The following UMAD1 variants were observed in gnomAD, a reference collection of about 807,000 sequenced individuals.
The protein encoded by UMAD1 is UBAP1-MVB12-associated (UMA) domain containing 1.
UMAD1 carries 8 observed loss-of-function variants against 6.1 expected under a neutral mutation model. The ratio of observed to expected loss-of-function variants is 1.30; its 90% CI spans 0.76 to 2.35. The LOEUF is 2.35. Ranked by LOEUF, UMAD1 falls within the 30% of genes most tolerant of loss-of-function variation. UMAD1 has a pLI of 0.00. For missense variants in UMAD1, 130 were observed against 78.4 expected (o/e 1.66, Z -2.49); for synonymous variants, 56 against 31.4 (o/e 1.78, Z -2.61).
At chr7:7,804,825 C>CA (rs1397050851) in intron 3 of UMAD1, among the ~76,000 whole-genome samples, 3 of 151,826 alleles carry the variant, frequency 2.0e-5, no homozygotes, top group Non-Finnish European at 4.4e-5. Context: ...ACTAAAAATA[C>CA]AAAAAATTAG....
intron 2 of UMAD1, among the ~76,000 whole-genome samples, chr7:7,724,928 C>A (rs1225552246): frequency 6.6e-6 from 1 of 152,176 alleles, no homozygotes; most frequent in East Asian, 1.9e-4. Flanking sequence ...CTTTTCACTT[C>A]CACGAGATAC....
chr7:7,831,604 GT>G (rs1783468538), intron 3 of UMAD1, among the ~76,000 whole-genome samples: 1 of 152,066 alleles, frequency 6.6e-6, no homozygotes, highest in African/African-American at 2.4e-5. Context: ...AACCTCCCTG[GT>G]GACTTGAGTC....
chr7:7,815,526 G>C (rs934694850), intron 3 of UMAD1, among the ~76,000 whole-genome samples: 1 of 152,162 alleles, frequency 6.6e-6, no homozygotes, highest in Non-Finnish European at 1.5e-5. Flanking sequence ...GGTAGTTAAA[G>C]TATTGATTCA....
intron 3 of UMAD1, among the ~76,000 whole-genome samples, chr7:7,851,551 C>G (rs561920911): frequency 6.6e-6 from 1 of 152,152 alleles, no homozygotes; most frequent in Non-Finnish European, 1.5e-5. Flanking sequence ...TTCTCCACAT[C>G]CTGACCAGAA....
intron 2 of UMAD1, among the ~76,000 whole-genome samples, chr7:7,699,128 A>G (rs534798216): frequency 7.2e-5 from 11 of 152,048 alleles, no homozygotes; most frequent in African/African-American, 2.7e-4. Flanking sequence ...TGCTAGCATT[A>G]TAGGTGTGAG....
At chr7:7,708,500 A>C (rs555980363) in intron 2 of UMAD1, among the ~76,000 whole-genome samples, 2 of 152,324 alleles carry the variant, frequency 1.3e-5, no homozygotes, top group South Asian at 4.1e-4. Flanking sequence ...GATCAGGTCT[A>C]ACACTCTGTT....
Position 7,713,470 on chromosome 7 carries a change from C to A in UMAD1, c.82+40017C>A, listed in dbSNP as rs566009133. Among the ~76,000 whole-genome samples, 10 of 151,398 alleles carry A rather than the reference C, an allele frequency of 6.6e-5. 1 individual carries two copies. Among genetic ancestry groups the A allele is most frequent in the African/African-American group, 2.4e-4 (10 of 41,264 alleles). The stretch of plus-strand genomic sequence containing the variant: ...GGGATTTTCATTATGTTCTGCTCCT[C>A]CCCCCCATGGCAATATTGTTTATTT... On this transcript the variant is annotated intron_variant, in intron 2 of 3. Transcript: ENST00000682710.
chr7:7,753,900 C>T (rs117919120), intron 2 of UMAD1, among the ~76,000 whole-genome samples: 32 of 152,192 alleles, frequency 2.1e-4, no homozygotes, highest in South Asian at 6.2e-4. Context: ...CAACAGTGTA[C>T]GGGCCCGGTG....
intron 3 of UMAD1, among the ~76,000 whole-genome samples, chr7:7,844,469 A>G (rs1033890225): frequency 7.9e-5 from 12 of 152,156 alleles, no homozygotes; most frequent in African/African-American, 2.7e-4. Context: ...GTCCTCTTAA[A>G]GGAGCCCAGG....
At chr7:7,735,284 T>C (rs1781331430) in intron 2 of UMAD1, among the ~76,000 whole-genome samples, 1 of 152,192 alleles carries the variant, frequency 6.6e-6, no homozygotes, top group Admixed American at 6.5e-5. Flanking sequence ...TTAAAGGTAA[T>C]TCTAAAGGTA....
At chr7:7,755,379 A>G (rs1583801178) in intron 2 of UMAD1, among the ~76,000 whole-genome samples, 1 of 152,224 alleles carries the variant, frequency 6.6e-6, no homozygotes, top group African/African-American at 2.4e-5. Context: ...TCTCTAATCA[A>G]GAGCTCATTT....
chr7:7,673,573 T>C (rs1019961535), intron 2 of UMAD1, 120 bp downstream of exon 2: 1 of 621,576 alleles, frequency 1.6e-6, no homozygotes, highest in Non-Finnish European at 2.8e-6. Flanking sequence ...TTTATGTGTT[T>C]AATTTTTAAA....
intron 2 of UMAD1, among the ~76,000 whole-genome samples, chr7:7,739,665 G>T (rs1038674326): frequency 1.2e-4 from 19 of 152,112 alleles, no homozygotes; most frequent in African/African-American, 4.3e-4. Context: ...TTATATTAGG[G>T]TCAAAAAGCA....
In UMAD1 at chr7:7,704,766, C is replaced by CAAAAAAA. The variant is rs71011001; in HGVS notation, c.82+31334_82+31340dup. Among the ~76,000 whole-genome samples the CAAAAAAA allele has an allele frequency of 2.0e-3, 35 of 17,850 alleles. 2 individuals are homozygous for CAAAAAAA. In the East Asian group the frequency reaches 0.023, roughly 12 times the overall value. 11.7% of individuals were successfully genotyped at this position (17,850 alleles called of 152,430 possible). On this transcript the variant is annotated intron_variant, in intron 2 of 3. Transcript: ENST00000682710. ...TGGGTGACAGAGCGAGACTCCATCT[C>CAAAAAAA]AAAAAAAAAAAAAAAAAAAAAAAAA...
chr7:7,659,940 C>G (rs1785433857), intron 1 of UMAD1, among the ~76,000 whole-genome samples: 1 of 152,146 alleles, frequency 6.6e-6, no homozygotes, highest in Non-Finnish European at 1.5e-5. Flanking sequence ...GAGTCTAAGT[C>G]TCTTTGTAAG....
chr7:7,647,131 G>A (rs1343553826), intron 1 of UMAD1, among the ~76,000 whole-genome samples: 1 of 152,122 alleles, frequency 6.6e-6, no homozygotes, highest in African/African-American at 2.4e-5. Flanking sequence ...AAACCTTTTA[G>A]ATCACTATAG....
chr7:7,699,183 G>T (rs1780395370), intron 2 of UMAD1, among the ~76,000 whole-genome samples: 1 of 152,042 alleles, frequency 6.6e-6, no homozygotes, highest in Non-Finnish European at 1.5e-5. Context: ...GGGGTGCTGA[G>T]TTGACTGATT....
intron 1 of UMAD1, among the ~76,000 whole-genome samples, chr7:7,644,271 A>C (rs1785045166): frequency 6.7e-6 from 1 of 148,492 alleles, no homozygotes; most frequent in Non-Finnish European, 1.5e-5. Context: ...GACTTTTAAG[A>C]GCTTTTTATT....
chr7:7,760,735 A>AGG (rs1781872363), intron 2 of UMAD1, among the ~76,000 whole-genome samples: 2 of 152,204 alleles, frequency 1.3e-5, no homozygotes, highest in African/African-American at 4.8e-5. Context: ...AGCTAGGAGT[A>AGG]GGGCACCTCC....
Sources: allele counts gnomAD v4.1 joint callset (sites outside exome capture counted in the v4.1 genomes callset), GRCh38; gene constraint gnomAD v4.1.1; transcripts MANE v1.5; gene names NCBI Gene and HGNC (gene_info 2026-07-23, HGNC 2026-07-21).